Variants in ATG4C observed in about 807,000 individuals in gnomAD.
ATG4C encodes cysteine protease ATG4C.
A neutral mutation model predicts 57.6 loss-of-function variants in ATG4C; 56 were observed. The observed-to-expected ratio is 0.97, with a 90% CI of 0.78 to 1.21. The LOEUF (loss-of-function observed/expected upper bound fraction) is 1.21, where lower values mean the gene tolerates loss of function less well. ATG4C is among the 50% of genes most tolerant of loss of function. ATG4C has a pLI of 0.00. For synonymous variants in ATG4C, 157 were observed against 174.1 expected (o/e 0.90, Z 0.78); for missense variants, 595 against 529.8 (o/e 1.12, Z -1.21).
intron 10 of ATG4C, among the ~76,000 whole-genome samples, chr1:62,859,767 C>T (rs773731947): frequency 6.6e-6 from 1 of 151,900 alleles, no homozygotes; most frequent in Non-Finnish European, 1.5e-5. Context: ...GCAATCTTGA[C>T]TGACTGCAAC....
At chr1:62,804,048 A>G (rs1201904477) in intron 2 of ATG4C, among the ~76,000 whole-genome samples, 186 bp downstream of exon 2, 1 of 151,570 alleles carries the variant, frequency 6.6e-6, no homozygotes, top group African/African-American at 2.4e-5. Context: ...CATCATAAAC[A>G]TTGCCTAGAA....
chr1:62,857,085 T>C (rs1191783836), intron 10 of ATG4C, among the ~76,000 whole-genome samples: 1 of 152,156 alleles, frequency 6.6e-6, no homozygotes, highest in Non-Finnish European at 1.5e-5. Context: ...CCAGAACTTT[T>C]ATGTCTGGCT....
rs1231044623 is a variant in ATG4C, at chr1:62,816,711, A to G, written c.297A>G (p.Glu99=). 1.9e-6 allele frequency: 3 copies of G among 1,613,800 alleles called. No individual in the cohort carries two copies. The African/African-American group carries it at 4.0e-5, about 22-fold the overall frequency. Residue 99 remains glutamate, a synonymous_variant, in exon 4 of 11, where the codon GAA becomes GAG. Coordinates refer to ENST00000317868, the MANE Select transcript of ATG4C (RefSeq NM_032852.4). ...ACAGGGAAGAATTCCCTCAAATAGAAGGCTCAGCTTTGACAACAGACTGTG... is the reference window on the plus strand; with the variant it reads ...ACAGGGAAGAATTCCCTCAAATAGAGGGCTCAGCTTTGACAACAGACTGTG... ...LTYREEFPQI[E]GSALTTDCGW...
rs1485526537 is a variant in ATG4C, at chr1:62,803,873, T to G, written c.76+11T>G. 1 of 1,500,412 alleles carries G rather than the reference T, an allele frequency of 6.7e-7. No homozygotes were observed. The highest frequency in any genetic ancestry group is 1.9e-5 in the Admixed American group (1 of 52,014). The allele number at this position is 1,500,412 out of a possible 1,614,324, so 92.9% of individuals were successfully genotyped here. ...ACAACATGAAATATAGTAAGTATCA[T>G]GTTTTAAAAATTGTATAAATCCAAA... On this transcript the variant is annotated intron_variant, in intron 2 of 10. Coordinates refer to ENST00000317868, the MANE Select transcript of ATG4C (RefSeq NM_032852.4).
intron 6 of ATG4C, among the ~76,000 whole-genome samples, chr1:62,826,945 C>T (rs963159825): frequency 1.3e-5 from 2 of 152,038 alleles, no homozygotes; most frequent in Admixed American, 1.3e-4. Flanking sequence ...GTGCTTTAGC[C>T]CTTGCCCCTG....
intron 3 of ATG4C, among the ~76,000 whole-genome samples, chr1:62,808,197 AAG>A (rs1205417236): frequency 6.6e-6 from 1 of 152,222 alleles, no homozygotes; most frequent in East Asian, 1.9e-4. Context: ...GCATCTGGAA[AAG>A]AGAGGATGGA....
intron 9 of ATG4C, 103 bp from the exon 10 acceptor site, chr1:62,841,325 T>G: frequency 9.7e-7 from 1 of 1,027,114 alleles, no homozygotes; most frequent in South Asian, 1.8e-5. Context: ...AAAATCATGT[T>G]TATAGTGATG....
At chr1:62,825,750 A>G (rs1665629167) in intron 6 of ATG4C, among the ~76,000 whole-genome samples, 1 of 152,010 alleles carries the variant, frequency 6.6e-6, no homozygotes, top group Non-Finnish European at 1.5e-5. Context: ...TCTCCCTCCT[A>G]TATTTTCCCC....
At chr1:62,788,458 CA>C (rs1462407437) in intron 1 of ATG4C, among the ~76,000 whole-genome samples, 6 of 147,488 alleles carry the variant, frequency 4.1e-5, no homozygotes, top group African/African-American at 1.5e-4. Context: ...CACACACACA[CA>C]CCTTTTTTTC....
intron 1 of ATG4C, among the ~76,000 whole-genome samples, chr1:62,793,730 T>C (rs940946022): frequency 6.6e-6 from 1 of 151,986 alleles, no homozygotes; most frequent in Non-Finnish European, 1.5e-5. Context: ...ATTCTTAACA[T>C]CCTTCATTTC....
intron 1 of ATG4C, among the ~76,000 whole-genome samples, chr1:62,798,688 A>T (rs1037446094): frequency 1.3e-5 from 2 of 151,526 alleles, no homozygotes; most frequent in Non-Finnish European, 2.9e-5. Flanking sequence ...TCTGTTGCCC[A>T]GGCTGGAGTG....
chr1:62,858,492 A>G (rs567294123), intron 10 of ATG4C, among the ~76,000 whole-genome samples: 71 of 152,326 alleles, frequency 4.7e-4, no homozygotes, highest in African/African-American at 1.7e-3. Flanking sequence ...ATAGTAGGTA[A>G]TATTAAGGAA....
intron 6 of ATG4C, among the ~76,000 whole-genome samples, chr1:62,823,184 A>G (rs1190166435): frequency 3.3e-5 from 5 of 152,182 alleles, no homozygotes; most frequent in African/African-American, 1.2e-4. Flanking sequence ...ACCTGAGTCA[A>G]TATGTGATAA....
intron 1 of ATG4C, among the ~76,000 whole-genome samples, chr1:62,797,428 A>C (rs941565825): frequency 1.3e-5 from 2 of 152,040 alleles, no homozygotes; most frequent in Non-Finnish European, 2.9e-5. Context: ...ATTGTTTATG[A>C]GTTAATAATT....
At chr1:62,813,776 G>C (rs1459102928) in intron 3 of ATG4C, among the ~76,000 whole-genome samples, 1 of 152,168 alleles carries the variant, frequency 6.6e-6, no homozygotes, top group Non-Finnish European at 1.5e-5. Context: ...CCATCAAAAA[G>C]TGGGTGAAGG....
chr1:62,805,668 A>T lies in ATG4C; in HGVS notation c.160+413A>T, dbSNP rs754141993. ...TCTACGTATATTAATTCTTTCAAAA[A>T]TTTTCTTATATTTTCTTTTAATAAT... On this transcript the variant is annotated intron_variant, in intron 3 of 10. Transcript: ENST00000317868. Among the ~76,000 whole-genome samples, 3 of 152,174 alleles carry T rather than the reference A, an allele frequency of 2.0e-5. No individual in the cohort carries two copies. In the East Asian group the frequency reaches 5.8e-4, roughly 29 times the overall value.
chr1:62,816,736 G>GA lies in ATG4C; in HGVS notation c.322_323insA (p.Gly108GlufsTer24). 1 of 1,613,784 alleles carries GA rather than the reference G, an allele frequency of 6.2e-7. No homozygotes were observed. Among genetic ancestry groups the GA allele is most frequent in the Non-Finnish European group, 8.5e-7 (1 of 1,179,856 alleles). On this transcript the variant is annotated frameshift_variant, in exon 4 of 11. Coordinates refer to ENST00000317868, the MANE Select transcript of ATG4C (RefSeq NM_032852.4). LOFTEE classifies it high-confidence loss of function. ...AGGCTCAGCTTTGACAACAGACTGT[G>GA]GGTGGGGCTGCACATTGAGAACTGG...
chr1:62,834,891 A>G (rs1665951684), intron 9 of ATG4C, 39 bp downstream of exon 9: 2 of 1,522,428 alleles, frequency 1.3e-6, no homozygotes, highest in Admixed American at 3.4e-5. Flanking sequence ...TTCTTACCAT[A>G]TGAAGTAAAC....
At chr1:62,825,410 T>C (rs1160966112) in intron 6 of ATG4C, among the ~76,000 whole-genome samples, 1 of 152,170 alleles carries the variant, frequency 6.6e-6, no homozygotes, top group Non-Finnish European at 1.5e-5. Context: ...CTTTGTTTAC[T>C]TGATTTCTGG....
Sources: gnomAD v4.1 joint callset for allele counts (sites outside exome capture counted in the v4.1 genomes callset) on GRCh38, gnomAD v4.1.1 for gene constraint, MANE v1.5 for transcripts, NCBI Gene and HGNC (gene_info 2026-07-23, HGNC 2026-07-21) for gene names.